Variants in ASIC2 observed in about 807,000 individuals in gnomAD.
ASIC2 encodes the protein acid sensing ion channel subunit 2, also known as acid-sensing ion channel 2.
ASIC2 carries 25 observed loss-of-function variants against 57.3 expected under a neutral mutation model. That is an observed-to-expected ratio of 0.44 (90% confidence interval 0.32 to 0.61). ASIC2 has a LOEUF of 0.61. Ranked by LOEUF, ASIC2 falls within the 20% of genes least tolerant of loss-of-function variation. ASIC2 has a pLI of 0.06. For synonymous variants in ASIC2, 319 were observed against 307.5 expected (o/e 1.04, Z -0.39); for missense variants, 641 against 738.1 (o/e 0.87, Z 1.52).
At chr17:33,581,756 G>A (rs982120786) in intron 1 of ASIC2, among the ~76,000 whole-genome samples, 1 of 152,202 alleles carries the variant, frequency 6.6e-6, no homozygotes, top group African/African-American at 2.4e-5. Context: ...ATGCGATGAA[G>A]GGATGGTCCC....
chr17:34,073,313 T>A lies in ASIC2; in HGVS notation c.555+82665A>T, dbSNP rs7216302. Among the ~76,000 whole-genome samples, 1,242 of 152,266 alleles carry A rather than the reference T, an allele frequency of 8.2e-3. 14 individuals carry two copies. Among genetic ancestry groups the A allele is most frequent in the African/African-American group, 0.028 (1,153 of 41,556 alleles). ...ATGTACAAGTATGTCTATGTTCCAA[T>A]AAAACTTTATTTTCAAAAACAGGCA... On this transcript the variant is annotated intron_variant, in intron 1 of 9. Transcript: ENST00000359872.
chr17:33,427,674 C>A (rs912249912), intron 1 of ASIC2, among the ~76,000 whole-genome samples: 1 of 152,204 alleles, frequency 6.6e-6, no homozygotes, highest in African/African-American at 2.4e-5. Flanking sequence ...AAAGGCAGAG[C>A]CTCAGCCCCA....
At position 33,389,609 on chromosome 17, in the gene ASIC2, G is replaced by T. The variant is rs188873032; in HGVS notation, c.556-277542C>A. On this transcript the variant is annotated intron_variant, in intron 1 of 9. Coordinates refer to the ASIC2 transcript ENST00000359872. The stretch of plus-strand genomic sequence containing the variant: ...TGAGGCTGGGTAGGAAATTAATGAT[G>T]ACTCATTCAGGACTAAGACATCTAG... 1.8e-3 allele frequency among the ~76,000 whole-genome samples: 281 copies of T among 152,284 alleles called. 1 individual carries two copies. The highest frequency in any genetic ancestry group is 6.8e-3 in the Middle Eastern group (2 of 294).
intron 1 of ASIC2, among the ~76,000 whole-genome samples, chr17:33,776,951 C>T (rs1313812759): frequency 2.0e-5 from 3 of 152,224 alleles, no homozygotes; most frequent in Non-Finnish European, 1.5e-5. Flanking sequence ...CTCGCTCCCT[C>T]CATCCTGAGC....
intron 1 of ASIC2, among the ~76,000 whole-genome samples, chr17:33,188,292 A>C (rs1248105827): frequency 1.3e-5 from 2 of 152,190 alleles, no homozygotes; most frequent in Non-Finnish European, 1.5e-5. Context: ...GTTAAAAGAC[A>C]AAATAAAAAT....
intron 1 of ASIC2, among the ~76,000 whole-genome samples, chr17:33,595,012 G>A (rs1904939609): frequency 6.6e-6 from 1 of 151,976 alleles, no homozygotes; most frequent in Non-Finnish European, 1.5e-5. Context: ...CTTGAGCCTG[G>A]GAGTTCAGAC....
rs1017197558 is a variant in ASIC2, at chr17:33,933,080, G to A, written c.555+222898C>T. ...GGCTGGTCCATGTCCTCCCACCCTC[G>A]TATGTCTCCTGGAGCTCCAGTCAAC... On this transcript the variant is annotated intron_variant, in intron 1 of 9. Transcript: ENST00000359872. 1.3e-4 allele frequency among the ~76,000 whole-genome samples: 20 copies of A among 152,174 alleles called. No individual in the cohort carries two copies. In the South Asian group the frequency reaches 2.1e-3, roughly 16 times the overall value.
chr17:33,473,454 C>G (rs1913119118), intron 1 of ASIC2, among the ~76,000 whole-genome samples: 1 of 152,210 alleles, frequency 6.6e-6, no homozygotes, highest in Non-Finnish European at 1.5e-5. Context: ...CCCCCTGAGC[C>G]AAGAAATGCC....
intron 1 of ASIC2, among the ~76,000 whole-genome samples, chr17:33,376,574 A>G (rs1370787574): frequency 2.0e-5 from 3 of 152,314 alleles, no homozygotes; most frequent in African/African-American, 2.4e-5. Context: ...ATCCATCGCA[A>G]TTCTGAGAAG....
intron 1 of ASIC2, among the ~76,000 whole-genome samples, chr17:33,266,819 G>T (rs1243197801): frequency 6.6e-6 from 1 of 152,112 alleles, no homozygotes; most frequent in African/African-American, 2.4e-5. Context: ...CCATTACCTT[G>T]TCAAAATGTT....
intron 1 of ASIC2, among the ~76,000 whole-genome samples, chr17:33,637,981 G>A (rs1891999738): frequency 6.6e-6 from 1 of 152,148 alleles, no homozygotes; most frequent in Admixed American, 6.5e-5. Context: ...TGGTTCTTGT[G>A]TACAGAGTCT....
At chr17:34,046,249 T>C (rs1051236907) in intron 1 of ASIC2, among the ~76,000 whole-genome samples, 2 of 152,154 alleles carry the variant, frequency 1.3e-5, no homozygotes, top group African/African-American at 4.8e-5. Flanking sequence ...AAATAGTTGT[T>C]ATGTTGAGCC....
At position 33,317,692 on chromosome 17, in the gene ASIC2, G is replaced by T. The variant is rs118104960; in HGVS notation, c.556-205625C>A. On this transcript the variant is annotated intron_variant, in intron 1 of 9. Coordinates refer to the ASIC2 transcript ENST00000359872. ...TTGTAGGCAAGAAGTTTACAATCTA[G>T]TAGGGAGATAAAACACATTCACCGA... Among the ~76,000 whole-genome samples the T allele has an allele frequency of 6.3e-3, 953 of 152,242 alleles. 2 individuals carry two copies. The highest frequency in any genetic ancestry group is 0.01 in the Non-Finnish European group (696 of 68,026).
At chr17:33,089,508 C>A (rs564430204) in intron 2 of ASIC2, among the ~76,000 whole-genome samples, 1 of 152,184 alleles carries the variant, frequency 6.6e-6, no homozygotes. Context: ...TTTAAGATAA[C>A]GAATTTGTGT....
At chr17:33,726,254 G>A (rs1327362001) in intron 1 of ASIC2, among the ~76,000 whole-genome samples, 1 of 152,150 alleles carries the variant, frequency 6.6e-6, no homozygotes, top group Admixed American at 6.5e-5. Context: ...TAGCATCCCA[G>A]TTGAGCCTCT....
intron 1 of ASIC2, among the ~76,000 whole-genome samples, chr17:33,861,915 C>G (rs1254498606): frequency 6.6e-6 from 1 of 152,306 alleles, no homozygotes; most frequent in East Asian, 1.9e-4. Context: ...GAGACCGTGG[C>G]AAATACAAAG....
intron 1 of ASIC2, among the ~76,000 whole-genome samples, chr17:34,099,776 AAGAAAGAAAGAAAGAAAG>A (rs1189437975): frequency 5.3e-5 from 4 of 75,492 alleles, no homozygotes; most frequent in South Asian, 4.4e-4. Context: ...GAAAGAAAGA[AAGAAAGAAAGAAAGAAAG>A]AAAGAAAGAA....
intron 1 of ASIC2, among the ~76,000 whole-genome samples, chr17:33,318,840 G>T (rs948554164): frequency 6.6e-6 from 1 of 152,066 alleles, no homozygotes; most frequent in Admixed American, 6.5e-5. Flanking sequence ...AAGTTTGAGC[G>T]GGAAAAAGCT....
At chr17:34,118,023 G>A (rs58059141) in intron 1 of ASIC2, among the ~76,000 whole-genome samples, 4,076 of 152,198 alleles carry the variant, frequency 0.027, 186 homozygotes, top group African/African-American at 0.092. Context: ...AGGCTTCAAG[G>A]CTCTTCTTCT....
Sources: allele counts gnomAD v4.1 joint callset (sites outside exome capture counted in the v4.1 genomes callset), GRCh38; gene constraint gnomAD v4.1.1; transcripts MANE v1.5; gene names NCBI Gene and HGNC (gene_info 2026-07-23, HGNC 2026-07-21).